NOL4L: variants seen among roughly 807,000 people sequenced by gnomAD.
NOL4L encodes nucleolar protein 4 like, also known as nucleolar protein 4-like.
NOL4L carries 7 observed loss-of-function variants against 64.5 expected under a neutral mutation model. The ratio of observed to expected loss-of-function variants is 0.11; its 90% CI spans 0.06 to 0.20. The LOEUF (loss-of-function observed/expected upper bound fraction) is 0.20. Among genes scored for constraint, NOL4L ranks in the 10% least tolerant of loss-of-function variants. The probability of loss-of-function intolerance (pLI) is 1.00; values close to 1 mark genes in which losing one functional copy is unlikely to be tolerated. For synonymous variants in NOL4L, 413 were observed against 401.0 expected (o/e 1.03, Z -0.36); for missense variants, 680 against 967.1 (o/e 0.70, Z 3.94).
chr20:32,532,339 T>C, intron 1 of NOL4L: 1 of 985,400 alleles, frequency 1.0e-6, no homozygotes, highest in Non-Finnish European at 1.2e-6. Context: ...TCTGGTGAGC[T>C]AGGGCCACCT....
At chr20:32,555,403 G>A (rs1052774530) in intron 1 of NOL4L, among the ~76,000 whole-genome samples, 4 of 152,044 alleles carry the variant, frequency 2.6e-5, no homozygotes, top group African/African-American at 9.7e-5. Context: ...GAGCTCAGGT[G>A]ATTCTCCTGC....
intron 1 of NOL4L, chr20:32,572,484 A>G (rs1979812377): frequency 6.6e-6 from 1 of 152,226 alleles, no homozygotes; most frequent in East Asian, 1.9e-4. Context: ...GTGAGAATGG[A>G]AGAAGTTAAG....
At chr20:32,527,492 G>A (rs1003233933) in intron 2 of NOL4L, among the ~76,000 whole-genome samples, 1 of 152,106 alleles carries the variant, frequency 6.6e-6, no homozygotes, top group African/African-American at 2.4e-5. Flanking sequence ...AGAGGAGGGC[G>A]CCTCCTGCCC....
chr20:32,454,952 G>T (rs2013334285), intron 6 of NOL4L, among the ~76,000 whole-genome samples: 1 of 152,202 alleles, frequency 6.6e-6, no homozygotes, highest in African/African-American at 2.4e-5. Context: ...GGCCCGCAGG[G>T]GTTGGTGCCC....
rs185728732 is a variant in NOL4L, at chr20:32,562,170, T to C, written c.321+22400A>G. 4.6e-5 allele frequency among the ~76,000 whole-genome samples: 7 copies of C among 152,208 alleles called. No homozygotes were observed. The East Asian group carries it at 1.4e-3, about 29-fold the overall frequency. Reference sequence around the variant, plus strand: ...AAGTCCACAGTCCACTCACTGGCCATAGGCAGAACTGAGGCTCCAGGAGGA... The same window carrying C: ...AAGTCCACAGTCCACTCACTGGCCACAGGCAGAACTGAGGCTCCAGGAGGA... On this transcript the variant is annotated intron_variant, in intron 1 of 10. Coordinates refer to ENST00000621426, the MANE Select transcript of NOL4L (RefSeq NM_001256798.2).
intron 4 of NOL4L, among the ~76,000 whole-genome samples, chr20:32,509,041 C>T (rs1475280477): frequency 6.6e-6 from 1 of 152,172 alleles, no homozygotes; most frequent in East Asian, 1.9e-4. Flanking sequence ...GCTGAAGCTC[C>T]CTTTCTGAGG....
intron 1 of NOL4L, among the ~76,000 whole-genome samples, chr20:32,566,872 C>T (rs776103323): frequency 1.4e-4 from 21 of 152,184 alleles, no homozygotes; most frequent in Admixed American, 2.6e-4. Context: ...TGCCCTAGAA[C>T]GTCAGCTCTA....
At chr20:32,515,311 A>G (rs2017602709) in intron 3 of NOL4L, among the ~76,000 whole-genome samples, 1 of 152,028 alleles carries the variant, frequency 6.6e-6, no homozygotes, top group African/African-American at 2.4e-5. Flanking sequence ...AACACCTTAC[A>G]TTGCTGTAAG....
intron 5 of NOL4L, among the ~76,000 whole-genome samples, chr20:32,467,419 G>A (rs1406974863): frequency 1.3e-5 from 2 of 152,146 alleles, no homozygotes; most frequent in African/African-American, 4.8e-5. Context: ...GGACCCCCTA[G>A]CCCGGCTCCC....
intron 5 of NOL4L, among the ~76,000 whole-genome samples, chr20:32,468,508 T>C (rs953887215): frequency 6.6e-6 from 1 of 152,124 alleles, no homozygotes; most frequent in African/African-American, 2.4e-5. Context: ...TGAGCACCTA[T>C]TCAGTGCTAG....
At chr20:32,562,351 G>A (rs917719860) in intron 1 of NOL4L, among the ~76,000 whole-genome samples, 15 of 152,080 alleles carry the variant, frequency 9.9e-5, no homozygotes, top group African/African-American at 3.4e-4. Flanking sequence ...AGACCTCAAC[G>A]CCGCCTGCCC....
intron 1 of NOL4L, among the ~76,000 whole-genome samples, chr20:32,582,482 C>A (rs1252701270): frequency 6.6e-6 from 1 of 152,158 alleles, no homozygotes; most frequent in Non-Finnish European, 1.5e-5. Flanking sequence ...GGTGCTCAGC[C>A]TCTACAGCTG....
chr20:32,447,486 G>A lies in NOL4L; in HGVS notation c.*110C>T, dbSNP rs1445618558. ...GAGTGTGGCTAGAAACAGCTCTTTT[G>A]GATCCCACCTCTTTCAAAAACAAAA... is the stretch of plus-strand genomic sequence containing the variant. On this transcript the variant is annotated 3_prime_UTR_variant, in exon 11 of 11. Coordinates refer to ENST00000621426, the MANE Select transcript of NOL4L (RefSeq NM_001256798.2). The A allele has an allele frequency of 3.6e-6, 5 of 1,395,064 alleles. No individual in the cohort carries two copies. In the African/African-American group the frequency reaches 6.0e-5, roughly 17 times the overall value. 86.4% of individuals were successfully genotyped at this position (1,395,064 alleles called of 1,614,324 possible).
At chr20:32,510,015 T>C in intron 4 of NOL4L, 1 of 1,146,748 alleles carries the variant, frequency 8.7e-7, no homozygotes, top group African/African-American at 1.6e-5. Context: ...TGCACAGTGG[T>C]GCTGGGATTC....
rs2016294538 is a variant in NOL4L at position 32,488,827 on chromosome 20, T to TTTCTTTCTTTC, written c.700-14086_700-14085insGAAAGAAAGAA. On this transcript the variant is annotated intron_variant, in intron 4 of 10. Coordinates refer to ENST00000621426, the MANE Select transcript of NOL4L (RefSeq NM_001256798.2). ...TCTTTTTCTTTCTTTCTTTCTTTCTTTTTCTTTCTTTCTTTCTTTCTTTCT... is the reference window on the plus strand; with the variant it reads ...TCTTTTTCTTTCTTTCTTTCTTTCTTTTCTTTCTTTCTTTCTTTCTTTCTTTCTTTCTTTCT... Among the ~76,000 whole-genome samples, 14 of 33,152 alleles carry TTTCTTTCTTTC rather than the reference T, an allele frequency of 4.2e-4. 2 individuals are homozygous for TTTCTTTCTTTC. The highest frequency in any genetic ancestry group is 0.012 in the Middle Eastern group (1 of 86). The allele number at this position is 33,152 out of a possible 152,430, so 21.7% of individuals were successfully genotyped here.
chr20:32,488,860 T>C lies in NOL4L; in HGVS notation c.700-14118A>G, dbSNP rs187082656. On this transcript the variant is annotated intron_variant, in intron 4 of 10. Coordinates refer to ENST00000621426, the MANE Select transcript of NOL4L (RefSeq NM_001256798.2). ...CTTTCTTTCTTTCTTTCTTTCTTTCTTTCTTTCTTTCTTTCTTTCTTTCTT... is the reference window on the plus strand; with the variant it reads ...CTTTCTTTCTTTCTTTCTTTCTTTCCTTCTTTCTTTCTTTCTTTCTTTCTT... Among the ~76,000 whole-genome samples, 124 of 103,702 alleles carry C rather than the reference T, an allele frequency of 1.2e-3. 8 individuals carry two copies. The East Asian group carries it at 0.025, about 21-fold the overall frequency. The allele number at this position is 103,702 out of a possible 152,430, so 68.0% of individuals were successfully genotyped here. A position where few individuals can be genotyped will look rare whatever the true frequency, so the allele number is the denominator to read the frequency against.
intron 1 of NOL4L, among the ~76,000 whole-genome samples, chr20:32,576,713 C>T (rs922598812): frequency 3.3e-5 from 5 of 152,296 alleles, no homozygotes; most frequent in East Asian, 1.9e-4. Flanking sequence ...CCACTCCCCA[C>T]GACTCCCGTC....
In NOL4L at chr20:32,466,021, C is replaced by T. The variant is rs1432864549; in HGVS notation, c.841+8580G>A. The stretch of plus-strand genomic sequence containing the variant: ...TTTTGAGATGGAGTCACTCTGTAGC[C>T]CAGTGGTGTGATCTTGGCTCACTGC... On this transcript the variant is annotated intron_variant, in intron 5 of 10. Transcript: ENST00000621426. 2.0e-5 allele frequency among the ~76,000 whole-genome samples: 3 copies of T among 150,970 alleles called. No homozygotes were observed. The East Asian group carries it at 5.8e-4, about 29-fold the overall frequency.
intron 3 of NOL4L, among the ~76,000 whole-genome samples, chr20:32,517,146 G>T (rs886782256): frequency 6.6e-6 from 1 of 152,082 alleles, no homozygotes; most frequent in Non-Finnish European, 1.5e-5. Flanking sequence ...GGCTGTCCAG[G>T]TCCCCCCCAC....
Sources: allele counts gnomAD v4.1 joint callset (sites outside exome capture counted in the v4.1 genomes callset), GRCh38; gene constraint gnomAD v4.1.1; transcripts MANE v1.5; gene names NCBI Gene and HGNC (gene_info 2026-07-23, HGNC 2026-07-21).